The following RSF1 variants were observed in gnomAD, a reference collection of about 807,000 sequenced individuals.
The protein encoded by RSF1 is HBV pX-associated protein 8.
In RSF1, 13 loss-of-function variants were observed where a neutral mutation model predicts 145.2. The ratio of observed to expected loss-of-function variants is 0.09; its 90% confidence interval spans 0.06 to 0.14. The LOEUF (loss-of-function observed/expected upper bound fraction) is 0.14, where lower values mean the gene tolerates loss of function less well. RSF1 is among the 10% of genes least tolerant of loss of function. The pLI, the probability that RSF1 is intolerant of heterozygous loss-of-function variation, is 1.00. For missense variants in RSF1, 1,517 were observed against 1,718.2 expected (o/e 0.88, Z 2.07); for synonymous variants, 577 against 592.6 (o/e 0.97, Z 0.38).
upstream of RSF1, chr11:77,820,943 C>A: frequency 3.6e-6 from 2 of 554,742 alleles, no homozygotes; most frequent in Non-Finnish European, 6.3e-6. Flanking sequence ...TTTCACTTTC[C>A]GCCCTCTTTC....
chr11:77,768,220 T>C (rs1431168575), intron 1 of RSF1, among the ~76,000 whole-genome samples: 3 of 144,556 alleles, frequency 2.1e-5, no homozygotes, highest in African/African-American at 7.9e-5. Context: ...TGGAGTGCAG[T>C]GGTGTGATCT....
chr11:77,664,995 C>T lies in RSF1; in HGVS notation c.*1922G>A, dbSNP rs887880286. 6.6e-6 allele frequency: 1 copy of T among 152,082 alleles called. No individual in the cohort carries two copies. The highest frequency in any genetic ancestry group is 2.4e-5 in the African/African-American group (1 of 41,398). 9.4% of individuals were successfully genotyped at this position (152,082 alleles called of 1,614,324 possible). ...CATTATTTTATTTTTTATACAGATACATACACATTGCTAGAATCAAAGCAA... is the reference window on the plus strand; with the variant it reads ...CATTATTTTATTTTTTATACAGATATATACACATTGCTAGAATCAAAGCAA... On this transcript the variant is annotated 3_prime_UTR_variant, in exon 16 of 16. Coordinates refer to ENST00000308488, the MANE Select transcript of RSF1 (RefSeq NM_016578.4).
intron 6 of RSF1, among the ~76,000 whole-genome samples, chr11:77,699,035 T>C (rs1292363092): frequency 6.6e-6 from 1 of 152,218 alleles, no homozygotes; most frequent in Non-Finnish European, 1.5e-5. Flanking sequence ...TTTCCCATGT[T>C]TTTCACTTTC....
At chr11:77,850,979 G>A in the RSF1 span, 2 of 118,454 alleles carry the variant, frequency 1.7e-5, no homozygotes, top group African/African-American at 6.7e-5. Context: ...TTTTTGAGAT[G>A]GAGTCTCGCT....
chr11:77,701,468 C>T lies in RSF1; in HGVS notation c.1761G>A (p.Lys587=). ...KRPPILECLE[K]LEKSKKTFLD... ...GAAAAGTCTTTTTGGACTTCTCTAACTTTTCAAGACATTCTAGGATTGGTG... is the reference window on the plus strand; with the variant it reads ...GAAAAGTCTTTTTGGACTTCTCTAATTTTTCAAGACATTCTAGGATTGGTG... Residue 587 remains lysine (K), a synonymous_variant, in exon 6 of 16, where the codon AAG becomes AAA. Transcript: ENST00000308488. The T allele has an allele frequency of 6.2e-7, 1 of 1,614,108 alleles. No homozygotes were observed. Among genetic ancestry groups the T allele is most frequent in the Non-Finnish European group, 8.5e-7 (1 of 1,180,010 alleles).
chr11:77,724,320 T>C (rs1961003195), intron 5 of RSF1, among the ~76,000 whole-genome samples: 2 of 152,138 alleles, frequency 1.3e-5, no homozygotes, highest in Non-Finnish European at 2.9e-5. Flanking sequence ...CAGTATGTGC[T>C]TCCTCAAAAA....
At chr11:77,744,579 A>G (rs758640319) in intron 3 of RSF1, among the ~76,000 whole-genome samples, 4 of 152,250 alleles carry the variant, frequency 2.6e-5, no homozygotes, top group Admixed American at 6.5e-5. Context: ...TGCTGGGATT[A>G]CAGGTGTGAG....
chr11:77,682,172 G>T (rs895493766), intron 11 of RSF1, among the ~76,000 whole-genome samples: 1 of 151,964 alleles, frequency 6.6e-6, no homozygotes, highest in Non-Finnish European at 1.5e-5. Context: ...GACTAGGATG[G>T]GCACTATTCC....
At chr11:77,691,428 A>AT (rs1464294592) in intron 8 of RSF1, among the ~76,000 whole-genome samples, 190 bp from the exon 9 acceptor site, 1 of 152,246 alleles carries the variant, frequency 6.6e-6, no homozygotes, top group Non-Finnish European at 1.5e-5. Context: ...TACCTTTGAA[A>AT]TAAAGCACAC....
chr11:77,692,160 G>A (rs1277047195), intron 8 of RSF1, among the ~76,000 whole-genome samples: 1 of 151,066 alleles, frequency 6.6e-6, no homozygotes, highest in South Asian at 2.1e-4. Context: ...CAAAGTGCTG[G>A]GATTATAGGC....
At chr11:77,846,502 T>G in the RSF1 span, among the ~76,000 whole-genome samples, 1 of 151,754 alleles carries the variant, frequency 6.6e-6, no homozygotes, top group Non-Finnish European at 1.5e-5. Flanking sequence ...AGGTCAGGAG[T>G]TCGAGAGCAG....
At position 77,808,527 on chromosome 11, in the gene RSF1, C is replaced by CTTTTTTTT. The variant is rs745630976; in HGVS notation, c.187+11993_187+12000dup. Among the ~76,000 whole-genome samples the CTTTTTTTT allele has an allele frequency of 1.4e-3, 81 of 59,996 alleles. 1 individual carries two copies. The highest frequency in any genetic ancestry group is 2.7e-3 in the East Asian group (4 of 1,500). 39.4% of individuals were successfully genotyped at this position (59,996 alleles called of 152,430 possible). A position where few individuals can be genotyped will look rare whatever the true frequency, so the allele number is the denominator to read the frequency against. On this transcript the variant is annotated intron_variant, in intron 1 of 15. Transcript: ENST00000308488. ...TTAGTATCCCATTCAAATATTATAC[C>CTTTTTTTT]TTTTTTTTTTTTTTTTTTTTTTTTG...
At chr11:77,842,320 T>C in the RSF1 span, among the ~76,000 whole-genome samples, 66 of 152,360 alleles carry the variant, frequency 4.3e-4, no homozygotes, top group East Asian at 0.011. Context: ...ATTCCAGGAA[T>C]AATAGTTACT....
intron 5 of RSF1, among the ~76,000 whole-genome samples, chr11:77,713,250 G>A (rs138441582): frequency 1.1e-4 from 16 of 152,092 alleles, no homozygotes; most frequent in African/African-American, 2.7e-4. Context: ...AAACACTCAC[G>A]GGAAAAGAGA....
the RSF1 span, among the ~76,000 whole-genome samples, chr11:77,836,808 A>T: frequency 6.6e-6 from 1 of 152,170 alleles, no homozygotes; most frequent in East Asian, 1.9e-4. Context: ...TCTACTAAAA[A>T]TACAAAATTA....
At chr11:77,843,704 T>TGA in the RSF1 span, among the ~76,000 whole-genome samples, 1 of 152,168 alleles carries the variant, frequency 6.6e-6, no homozygotes, top group Non-Finnish European at 1.5e-5. Context: ...ACTGAAAGTG[T>TGA]GAGATTAGGA....
intron 1 of RSF1, among the ~76,000 whole-genome samples, chr11:77,796,361 C>T (rs999181146): frequency 5.3e-5 from 8 of 152,188 alleles, no homozygotes; most frequent in Non-Finnish European, 1.2e-4. Flanking sequence ...TCAACATACA[C>T]AAGTCAATAA....
Position 77,687,379 on chromosome 11 carries a change from T to C in RSF1, c.2901-2220A>G, listed in dbSNP as rs185109618. On this transcript the variant is annotated intron_variant, in intron 9 of 15. Transcript: ENST00000308488. Reference sequence around the variant, plus strand: ...TATGATATAAAGTCATAATTACAGATGTCCTCTTAAAGGATGACATTTAAA... The same window carrying C: ...TATGATATAAAGTCATAATTACAGACGTCCTCTTAAAGGATGACATTTAAA... Among the ~76,000 whole-genome samples, 33 of 152,304 alleles carry C rather than the reference T, an allele frequency of 2.2e-4. No homozygotes were observed. In the East Asian group the frequency reaches 4.8e-3, roughly 22 times the overall value.
At chr11:77,756,771 A>G (rs1948120417) in intron 2 of RSF1, among the ~76,000 whole-genome samples, 1 of 152,256 alleles carries the variant, frequency 6.6e-6, no homozygotes, top group Non-Finnish European at 1.5e-5. Context: ...GAGAAATAGC[A>G]ATTGCAGTAA....
Sources: allele counts gnomAD v4.1 joint callset (sites outside exome capture counted in the v4.1 genomes callset), GRCh38; gene constraint gnomAD v4.1.1; transcripts MANE v1.5; gene names NCBI Gene and HGNC (gene_info 2026-07-23, HGNC 2026-07-21).